The following HDLBP variants were observed in gnomAD, a reference collection of about 807,000 sequenced individuals.
HDLBP encodes vigilin.
A neutral mutation model predicts 137.3 loss-of-function variants in HDLBP; 30 were observed. The ratio of observed to expected loss-of-function variants is 0.22; its 90% CI spans 0.16 to 0.30. The LOEUF is 0.30. HDLBP is among the 10% of genes least tolerant of loss of function. The pLI is 1.00. For synonymous variants in HDLBP, 606 were observed against 596.0 expected (o/e 1.02, Z -0.24); for missense variants, 1,119 against 1,667.3 (o/e 0.67, Z 5.73).
At chr2:241,292,849 C>T (rs2075052768) in intron 1 of HDLBP, among the ~76,000 whole-genome samples, 1 of 152,216 alleles carries the variant, frequency 6.6e-6, no homozygotes, top group East Asian at 1.9e-4. Flanking sequence ...TATAGTGAGA[C>T]TGCCTGTACA....
chr2:241,234,038 G>A, intron 23 of HDLBP, 75 bp from the exon 24 acceptor site: 1 of 1,539,384 alleles, frequency 6.5e-7, no homozygotes, highest in South Asian at 1.1e-5. Flanking sequence ...CTTCCACCCT[G>A]GTCATAGGAC....
At chr2:241,277,814 A>C (rs985946143) in intron 1 of HDLBP, among the ~76,000 whole-genome samples, 1 of 152,112 alleles carries the variant, frequency 6.6e-6, no homozygotes, top group Non-Finnish European at 1.5e-5. Flanking sequence ...ATGCAAAATT[A>C]GTTGGGCGTG....
At chr2:241,273,264 T>C in intron 1 of HDLBP, 1 of 976,622 alleles carries the variant, frequency 1.0e-6, no homozygotes, top group South Asian at 4.7e-5. Context: ...TCCAGGGCTT[T>C]CATTCCCTCA....
chr2:241,299,759 C>G (rs1202018304), intron 1 of HDLBP, among the ~76,000 whole-genome samples: 1 of 151,384 alleles, frequency 6.6e-6, no homozygotes, highest in Non-Finnish European at 1.5e-5. Flanking sequence ...ACTAAAAACA[C>G]AAAAAATTAG....
In HDLBP at chr2:241,239,560, A is replaced by T. The variant is rs1412737570; in HGVS notation, c.2610+42T>A. ...TCATACACGGCTTCGGTGAGTGGCC[A>T]CTGGGGGGTGAGAACCCCTCCCCGA... On this transcript the variant is annotated intron_variant, in intron 19 of 27. Coordinates refer to ENST00000310931, the MANE Select transcript of HDLBP (RefSeq NM_005336.6). The surrounding 1 kb of genome is among the most constrained non-coding windows in gnomAD (Gnocchi z 4.6). 6.5e-7 allele frequency: 1 copy of T among 1,528,816 alleles called. No individual in the cohort carries two copies. Among genetic ancestry groups the T allele is most frequent in the Non-Finnish European group, 9.1e-7 (1 of 1,103,912 alleles). 94.7% of individuals were successfully genotyped at this position (1,528,816 alleles called of 1,614,324 possible). A position where few individuals can be genotyped will look rare whatever the true frequency, so the allele number is the denominator to read the frequency against.
chr2:241,257,008 G>A (rs1051961236), intron 5 of HDLBP, among the ~76,000 whole-genome samples: 2 of 152,136 alleles, frequency 1.3e-5, no homozygotes, highest in African/African-American at 2.4e-5. Context: ...AAGTTCGAGT[G>A]TATCTGCACC....
At chr2:241,237,325 G>C (rs2070664522) in intron 20 of HDLBP, among the ~76,000 whole-genome samples, 1 of 152,212 alleles carries the variant, frequency 6.6e-6, no homozygotes, top group Non-Finnish European at 1.5e-5. Context: ...GAAGAGGCGT[G>C]TGAACAGGAC....
chr2:241,235,080 C>T (rs1442022418), intron 23 of HDLBP, 41 bp downstream of exon 23: 11 of 1,603,414 alleles, frequency 6.9e-6, no homozygotes, highest in South Asian at 1.1e-5. Context: ...CAAAGCTGAG[C>T]ACCATGGCTC....
chr2:241,262,128 G>A (rs988863603), intron 5 of HDLBP, among the ~76,000 whole-genome samples: 2 of 152,226 alleles, frequency 1.3e-5, no homozygotes, highest in African/African-American at 4.8e-5. Context: ...TGCCAAAGAC[G>A]AGGAAACTGG....
rs972402262 is a variant in HDLBP at position 241,238,840 on chromosome 2, G to A, written c.2611-53C>T. 8 of 1,451,424 alleles carry A rather than the reference G, an allele frequency of 5.5e-6. No individual in the cohort carries two copies. The highest frequency in any genetic ancestry group is 6.5e-6 in the Non-Finnish European group (7 of 1,083,976). The allele number at this position is 1,451,424 out of a possible 1,614,324, so 89.9% of individuals were successfully genotyped here. A position where few individuals can be genotyped will look rare whatever the true frequency, so the allele number is the denominator to read the frequency against. On this transcript the variant is annotated intron_variant, in intron 19 of 27. Coordinates refer to ENST00000310931, the MANE Select transcript of HDLBP (RefSeq NM_005336.6). The surrounding 1 kb of genome is among the most constrained non-coding windows in gnomAD (Gnocchi z 4.9). Reference sequence around the variant, plus strand: ...AAAAGAGCAAAGATTAAATTCCTTAGGGCAAGTTTTACAGCACTCTTCACA... The same window carrying A: ...AAAAGAGCAAAGATTAAATTCCTTAAGGCAAGTTTTACAGCACTCTTCACA...
At chr2:241,275,105 T>C (rs1281194755) in intron 1 of HDLBP, among the ~76,000 whole-genome samples, 2 of 152,146 alleles carry the variant, frequency 1.3e-5, no homozygotes, top group Non-Finnish European at 2.9e-5. Context: ...AATGGACTAG[T>C]ACTCTACAAC....
chr2:241,232,556 G>A (rs921112940), intron 24 of HDLBP, among the ~76,000 whole-genome samples: 2 of 152,196 alleles, frequency 1.3e-5, no homozygotes, highest in South Asian at 2.1e-4. Flanking sequence ...GATTACAGGC[G>A]TGAGCCACTG....
intron 2 of HDLBP, chr2:241,267,556 T>A: frequency 6.5e-7 from 1 of 1,533,802 alleles, no homozygotes; most frequent in Non-Finnish European, 8.7e-7. Context: ...TTGGTTATTC[T>A]GTCAATTTGC....
At chr2:241,255,294 T>G in intron 8 of HDLBP, 80 bp downstream of exon 8, 1 of 1,455,440 alleles carries the variant, frequency 6.9e-7, no homozygotes, top group Non-Finnish European at 9.6e-7. Flanking sequence ...GGCCCCAGGA[T>G]TTACAAATCG....
rs2071983527 is a variant in HDLBP, at chr2:241,249,827, G to A, written c.1512+14C>T. 1.9e-6 allele frequency: 3 copies of A among 1,594,136 alleles called. No homozygotes were observed. The East Asian group carries it at 6.7e-5, about 36-fold the overall frequency. Reference sequence around the variant, plus strand: ...GGCCAGTGCCTTTCTAGAGGGCCCAGCCATGGCACTTACCATGCGAGATGC... The same window carrying A: ...GGCCAGTGCCTTTCTAGAGGGCCCAACCATGGCACTTACCATGCGAGATGC... On this transcript the variant is annotated intron_variant, in intron 12 of 27. Coordinates refer to ENST00000310931, the MANE Select transcript of HDLBP (RefSeq NM_005336.6).
At chr2:241,270,965 T>C in intron 1 of HDLBP, 1 of 984,118 alleles carries the variant, frequency 1.0e-6, no homozygotes. Context: ...TAATCCCATT[T>C]CTTAATACCA....
At chr2:241,252,853 A>G in intron 11 of HDLBP, 104 bp downstream of exon 11, 2 of 679,592 alleles carry the variant, frequency 2.9e-6, no homozygotes, top group Middle Eastern at 3.0e-4. Context: ...ACAGGCAGCA[A>G]TGGGCCTGGA....
intron 24 of HDLBP, among the ~76,000 whole-genome samples, chr2:241,231,984 C>G (rs1474706797): frequency 6.6e-6 from 1 of 152,070 alleles, no homozygotes; most frequent in East Asian, 1.9e-4. Context: ...AGGACAGGGA[C>G]AAATGCCTGG....
In HDLBP at chr2:241,241,566, CAAAAAAAAAAAAAAAA is replaced by C. The variant is rs56864201; in HGVS notation, c.2169+878_2169+893del. 8.9e-4 allele frequency among the ~76,000 whole-genome samples: 28 copies of C among 31,428 alleles called. 1 individual carries two copies. The highest frequency in any genetic ancestry group is 4.4e-3 in the East Asian group (4 of 918). 20.6% of individuals were successfully genotyped at this position (31,428 alleles called of 152,430 possible). ...TGGGCGACAGAGCAAGACTCCGTCT[CAAAAAAAAAAAAAAAA>C]AAAAAAAAAAAAAAAAAAAAATCCA... On this transcript the variant is annotated intron_variant, in intron 17 of 27. Transcript: ENST00000310931.
Sources: allele counts gnomAD v4.1 joint callset (sites outside exome capture counted in the v4.1 genomes callset), GRCh38; gene constraint gnomAD v4.1.1; non-coding constraint Gnocchi (gnomAD v3.1); transcripts MANE v1.5; gene names NCBI Gene and HGNC (gene_info 2026-07-23, HGNC 2026-07-21).